Variants in NOS1 observed in about 807,000 individuals in gnomAD.
NOS1 encodes nitric oxide synthase 1.
Under a neutral mutation model 164.5 loss-of-function variants are expected in NOS1, and 51 were observed. The ratio of observed to expected loss-of-function variants is 0.31; its 90% CI spans 0.25 to 0.39. NOS1 has a LOEUF of 0.39. Ranked by LOEUF, NOS1 falls within the 10% of genes least tolerant of loss-of-function variation. The pLI is 1.00. For synonymous variants in NOS1, 719 were observed against 745.8 expected (o/e 0.96, Z 0.59); for missense variants, 1,362 against 1,885.6 (o/e 0.72, Z 5.14).
At chr12:117,281,031 C>G (rs1353028567) in intron 7 of NOS1, among the ~76,000 whole-genome samples, 165 bp from the exon 8 acceptor site, 1 of 152,106 alleles carries the variant, frequency 6.6e-6, no homozygotes, top group East Asian at 1.9e-4. Context: ...AGGGATGGGC[C>G]GTGCTCTGTT....
intron 1 of NOS1, among the ~76,000 whole-genome samples, chr12:117,354,010 A>C (rs1028655194): frequency 2.0e-5 from 3 of 152,156 alleles, no homozygotes; most frequent in African/African-American, 7.2e-5. Flanking sequence ...CATTTCATCC[A>C]AGGTCATCAC....
At chr12:117,251,544 C>G (rs1045530391) in intron 17 of NOS1, among the ~76,000 whole-genome samples, 3 of 151,876 alleles carry the variant, frequency 2.0e-5, no homozygotes, top group African/African-American at 7.3e-5. Context: ...TCCCAAGTAG[C>G]TGGGACTAAA....
In NOS1 at chr12:117,259,051, T is replaced by C. The variant is rs774757248; in HGVS notation, c.2447A>G (p.Asn816Ser). The change falls in exon 15 of 29, where the codon AAT becomes AGT. Residue 816 changes from asparagine to serine, a missense_variant. Asn to Ser is a conservative substitution (Grantham distance 46). Coordinates refer to ENST00000317775, the MANE Select transcript of NOS1 (RefSeq NM_000620.5). ...LVLVVTSTFGNGDPPENGEKF... is the reference protein window; with the variant it reads ...LVLVVTSTFGSGDPPENGEKF... ...CTCCCCATTCTCAGGGGGATCTCCATTGCCAAAGGTGCTGGTGACCACAAG... is the reference window on the plus strand; with the variant it reads ...CTCCCCATTCTCAGGGGGATCTCCACTGCCAAAGGTGCTGGTGACCACAAG... 1 of 1,613,960 alleles carries C rather than the reference T, an allele frequency of 6.2e-7. No homozygotes were observed. The highest frequency in any genetic ancestry group is 1.1e-5 in the South Asian group (1 of 91,058).
chr12:117,311,119 C>G (rs1874410020), intron 3 of NOS1, among the ~76,000 whole-genome samples: 1 of 152,188 alleles, frequency 6.6e-6, no homozygotes, highest in African/African-American at 2.4e-5. Context: ...TCCGCCTTGG[C>G]CTCCCAAAAT....
At chr12:117,355,587 CAA>C (rs775331952) in intron 1 of NOS1, among the ~76,000 whole-genome samples, 1 of 151,480 alleles carries the variant, frequency 6.6e-6, no homozygotes, top group African/African-American at 2.4e-5. Context: ...AAACAGAGAA[CAA>C]AAAAAAGCCC....
chr12:117,243,232 A>T lies in NOS1; in HGVS notation c.2962+65T>A, dbSNP rs1462482336. Reference sequence around the variant, plus strand: ...CCCATCTTCTCTAAGCACCTTCTGGAGGTGAGATCACCTGCCTTTCCCCCA... The same window carrying T: ...CCCATCTTCTCTAAGCACCTTCTGGTGGTGAGATCACCTGCCTTTCCCCCA... On this transcript the variant is annotated intron_variant, in intron 19 of 28. Transcript: ENST00000317775. This position sits in a 1 kb window ranked among gnomAD's most constrained non-coding sequence, Gnocchi z 4.3. 6.3e-7 allele frequency: 1 copy of T among 1,591,744 alleles called. No homozygotes were observed. The highest frequency in any genetic ancestry group is 1.3e-5 in the African/African-American group (1 of 74,562).
intron 18 of NOS1, among the ~76,000 whole-genome samples, chr12:117,246,543 ATGCAAC>A (rs1870630727): frequency 6.6e-6 from 1 of 152,182 alleles, no homozygotes; most frequent in Non-Finnish European, 1.5e-5. Context: ...CCACAAGGTT[ATGCAAC>A]CCTTCCCATT....
At chr12:117,218,011 T>C in intron 28 of NOS1, 35 bp downstream of exon 28, 4 of 1,476,416 alleles carry the variant, frequency 2.7e-6, no homozygotes, top group Non-Finnish European at 3.8e-6. Context: ...GAGAGGGCTC[T>C]TCCTGCCCCT....
intron 20 of NOS1, among the ~76,000 whole-genome samples, chr12:117,240,838 G>A (rs1870104910): frequency 6.6e-6 from 1 of 152,174 alleles, no homozygotes; most frequent in African/African-American, 2.4e-5. Context: ...TTAGAACCCA[G>A]GACTGCTCAA....
At position 117,211,675 on chromosome 12, in the gene NOS1, C is replaced by G; in HGVS notation, c.*3634G>C. Reference sequence around the variant, plus strand: ...CCTCTCACTCTTCCCAATTCCTGGACAACTCTTACCTTCCAGAAGCTACCA... The same window carrying G: ...CCTCTCACTCTTCCCAATTCCTGGAGAACTCTTACCTTCCAGAAGCTACCA... On this transcript the variant is annotated 3_prime_UTR_variant, in exon 29 of 29. Transcript: ENST00000317775. The G allele has an allele frequency of 1.0e-6, 1 of 985,466 alleles. No individual in the cohort carries two copies. Among genetic ancestry groups the G allele is most frequent in the African/African-American group, 1.7e-5 (1 of 57,328 alleles). The allele number at this position is 985,466 out of a possible 1,614,324, so 61.0% of individuals were successfully genotyped here.
chr12:117,258,365 G>A, intron 16 of NOS1, 32 bp downstream of exon 16: 1 of 1,609,370 alleles, frequency 6.2e-7, no homozygotes, highest in Non-Finnish European at 8.5e-7. Context: ...CCTCGGGGGT[G>A]GCGGGTGACG....
At chr12:117,257,607 CTTTTTTTTTTTTTTTT>C (rs151304592) in intron 16 of NOS1, among the ~76,000 whole-genome samples, 4 of 99,122 alleles carry the variant, frequency 4.0e-5, no homozygotes, top group South Asian at 3.4e-4. Flanking sequence ...TTGATTTTAG[CTTTTTTTTTTTTTTTT>C]TTTTTTTTTG....
chr12:117,270,561 G>A (rs1195714372), intron 10 of NOS1, among the ~76,000 whole-genome samples: 2 of 152,028 alleles, frequency 1.3e-5, no homozygotes, highest in African/African-American at 4.8e-5. Context: ...CACACACAGA[G>A]GAAAGTATGT....
chr12:117,277,998 G>A lies in NOS1; in HGVS notation c.1625C>T (p.Pro542Leu). 6.2e-7 allele frequency: 1 copy of A among 1,613,920 alleles called. No homozygotes were observed. Among genetic ancestry groups the A allele is most frequent in the Admixed American group, 1.7e-5 (1 of 60,018 alleles). The change falls in exon 9 of 29, where the codon CCT becomes CTT. Residue 542 changes from proline to leucine, a missense_variant. Physicochemically the swap from Pro to Leu is moderately conservative, Grantham distance 98. Around this residue, in one of 4 missense-constraint regions of NOS1, gnomAD observed 134 missense variants for 267.3 expected, o/e 0.50. Coordinates refer to ENST00000317775, the MANE Select transcript of NOS1 (RefSeq NM_000620.5). ...NGNDPELFQI[P>L]PELVLEVPIR... ...GGGAACTTCCAACACCAGCTCTGGA[G>A]GAATCTGGAAGAGCTCAGGGTCATT...
At chr12:117,357,943 C>T (rs999620094) in intron 1 of NOS1, among the ~76,000 whole-genome samples, 1 of 152,136 alleles carries the variant, frequency 6.6e-6, no homozygotes. Flanking sequence ...TAAAATGGGT[C>T]CTGAAATGCC....
chr12:117,339,841 T>C (rs1326474405), intron 1 of NOS1, among the ~76,000 whole-genome samples: 1 of 152,214 alleles, frequency 6.6e-6, no homozygotes, highest in Non-Finnish European at 1.5e-5. Context: ...CATGCATTCA[T>C]CCATGTTTCC....
At chr12:117,277,828 G>T (rs1873307849) in intron 9 of NOS1, 131 bp downstream of exon 9, 3 of 1,144,290 alleles carry the variant, frequency 2.6e-6, no homozygotes, top group Non-Finnish European at 3.7e-6. Flanking sequence ...GTGAGGACAG[G>T]AACCAAGCCC....
Position 117,285,348 on chromosome 12 carries a change from G to A in NOS1, c.1291-16C>T, listed in dbSNP as rs765227247. The A allele has an allele frequency of 4.4e-6, 7 of 1,578,646 alleles. No homozygotes were observed. In the African/African-American group the frequency reaches 5.4e-5, roughly 12 times the overall value. On this transcript the variant is annotated splice_polypyrimidine_tract_variant and intron_variant, in intron 6 of 28. Coordinates refer to ENST00000317775, the MANE Select transcript of NOS1 (RefSeq NM_000620.5). ...CATCGAATACCTGGAAGAGGCACAG[G>A]GCGGAACTGATTGCCTCTTCTTTCC...
intron 2 of NOS1, among the ~76,000 whole-genome samples, chr12:117,322,160 CCT>C: frequency 7.5e-6 from 1 of 134,018 alleles, no homozygotes; most frequent in Admixed American, 7.5e-5. Context: ...TTCCCTCCCT[CCT>C]TCCTTCTTTT....
Sources: allele counts gnomAD v4.1 joint callset (sites outside exome capture counted in the v4.1 genomes callset), GRCh38; gene constraint gnomAD v4.1.1; regional missense constraint gnomAD v4.1.1; non-coding constraint Gnocchi (gnomAD v3.1); transcripts MANE v1.5; gene names NCBI Gene and HGNC (gene_info 2026-07-23, HGNC 2026-07-21).